XPO7: variants seen among roughly 807,000 people sequenced by gnomAD.
The protein encoded by XPO7 is exportin-7.
A neutral mutation model predicts 144.3 loss-of-function variants in XPO7; 21 were observed. That is an observed-to-expected ratio of 0.15 (90% CI 0.10 to 0.21). The LOEUF (loss-of-function observed/expected upper bound fraction) is 0.21, where lower values mean the gene tolerates loss of function less well. Among genes scored for constraint, XPO7 ranks in the 10% least tolerant of loss-of-function variants. The probability of loss-of-function intolerance (pLI) is 1.00; values close to 1 mark genes in which losing one functional copy is unlikely to be tolerated. For synonymous variants in XPO7, 580 were observed against 499.6 expected (o/e 1.16, Z -2.15); for missense variants, 808 against 1,325.8 (o/e 0.61, Z 6.06).
chr8:21,988,904 T>C, intron 15 of XPO7, 99 bp from the exon 16 acceptor site: 4 of 1,016,450 alleles, frequency 3.9e-6, no homozygotes, highest in Non-Finnish European at 5.8e-6. Context: ...TGCAGATGTG[T>C]GGTGACTTTT....
At chr8:21,982,024 T>C (rs1168982017) in intron 10 of XPO7, 147 bp downstream of exon 10, 2 of 1,047,798 alleles carry the variant, frequency 1.9e-6, no homozygotes, top group Non-Finnish European at 2.7e-6. Flanking sequence ...TATTGTGGCC[T>C]GTGATTTACA....
At chr8:21,974,851 G>T in intron 6 of XPO7, 77 bp downstream of exon 6, 3 of 1,151,596 alleles carry the variant, frequency 2.6e-6, no homozygotes, top group Non-Finnish European at 3.7e-6. Flanking sequence ...TTAAATGTCA[G>T]CTTTTAACTG....
At chr8:21,931,009 A>T (rs959380737) in intron 1 of XPO7, among the ~76,000 whole-genome samples, 2 of 151,364 alleles carry the variant, frequency 1.3e-5, no homozygotes, top group Non-Finnish European at 2.9e-5. Flanking sequence ...TGCCCAGCTA[A>T]TTGTTGTATT....
rs761510329 is a variant in XPO7 at position 22,003,211 on chromosome 8, A to T, written c.2944-8A>T. The T allele has an allele frequency of 6.2e-7, 1 of 1,605,094 alleles. No homozygotes were observed. ...GTCACTGCCTGAAATTCTCCATTCC[A>T]TTTTCAGATGCTGTCCACGGTGCTG... On this transcript the variant is annotated splice_polypyrimidine_tract_variant and splice_region_variant and intron_variant, in intron 25 of 27. Transcript: ENST00000252512.
chr8:21,947,507 A>G (rs142442029), intron 1 of XPO7, among the ~76,000 whole-genome samples: 3 of 152,218 alleles, frequency 2.0e-5, no homozygotes, highest in South Asian at 2.1e-4. Context: ...AGGAAATTCA[A>G]CCTTACTAAT....
intron 1 of XPO7, among the ~76,000 whole-genome samples, chr8:21,939,847 A>G (rs919475044): frequency 6.6e-6 from 1 of 152,244 alleles, no homozygotes; most frequent in Admixed American, 6.5e-5. Flanking sequence ...TCATTGAAGA[A>G]TATTTTCAAA....
intron 1 of XPO7, among the ~76,000 whole-genome samples, chr8:21,951,289 C>A (rs957471802): frequency 6.6e-6 from 1 of 151,572 alleles, no homozygotes; most frequent in African/African-American, 2.4e-5. Flanking sequence ...ACCTATGAGG[C>A]CTACCTTAAT....
rs764766630 is a variant in XPO7, at chr8:21,989,079, A to G, written c.1864A>G (p.Ile622Val). 2 of 1,613,110 alleles carry G rather than the reference A, an allele frequency of 1.2e-6. No individual in the cohort carries two copies. Among genetic ancestry groups the G allele is most frequent in the Non-Finnish European group, 8.5e-7 (1 of 1,179,590 alleles). Residue 622 changes from isoleucine (I) to valine (V), a missense_variant, in exon 16 of 28, where the codon ATT becomes GTT. Ile to Val is a conservative substitution (Grantham distance 29). Coordinates refer to ENST00000252512, the MANE Select transcript of XPO7 (RefSeq NM_015024.5). Reference sequence around the variant, plus strand: ...ACTACAGCTTCTCAATGACCTGTCCATTGGATATCCTTTTCTAAGCTAACT... The same window carrying G: ...ACTACAGCTTCTCAATGACCTGTCCGTTGGATATCCTTTTCTAAGCTAACT... ...KTLQLLNDLS[I>V]GYSSVRKLVK...
At chr8:21,962,835 C>G (rs1455377793) in intron 1 of XPO7, among the ~76,000 whole-genome samples, 4 of 152,072 alleles carry the variant, frequency 2.6e-5, no homozygotes, top group African/African-American at 9.7e-5. Context: ...TTTATTATCT[C>G]TGATAATTGG....
Position 21,944,754 on chromosome 8 carries a change from C to T in XPO7, c.19-22103C>T, listed in dbSNP as rs538051822. On this transcript the variant is annotated intron_variant, in intron 1 of 27. Coordinates refer to ENST00000252512, the MANE Select transcript of XPO7 (RefSeq NM_015024.5). ...GGTTTTCCTAGGCCCTGCCGCCTTCCGCCTTCCGCATTGTTTGTGTCTCCG... is the reference window on the plus strand; with the variant it reads ...GGTTTTCCTAGGCCCTGCCGCCTTCTGCCTTCCGCATTGTTTGTGTCTCCG... Among the ~76,000 whole-genome samples the T allele has an allele frequency of 5.9e-5, 9 of 152,170 alleles. No homozygotes were observed. The East Asian group carries it at 1.2e-3, about 20-fold the overall frequency.
chr8:21,991,104 A>G (rs1812758186), intron 18 of XPO7, among the ~76,000 whole-genome samples, 185 bp downstream of exon 18: 1 of 152,220 alleles, frequency 6.6e-6, no homozygotes, highest in Non-Finnish European at 1.5e-5. Flanking sequence ...TAACTGGAAG[A>G]GAGTAACAGT....
intron 1 of XPO7, among the ~76,000 whole-genome samples, chr8:21,961,085 A>G (rs975773396): frequency 6.6e-6 from 1 of 152,082 alleles, no homozygotes; most frequent in Non-Finnish European, 1.5e-5. Context: ...CCATACTGCT[A>G]TTGATGGGTA....
intron 10 of XPO7, 103 bp downstream of exon 10, chr8:21,981,980 C>G (rs2117358500): frequency 6.7e-7 from 1 of 1,481,904 alleles, no homozygotes; most frequent in East Asian, 2.3e-5. Context: ...GCAAAGGTAA[C>G]CATAAGTCCA....
chr8:21,962,760 A>G (rs1471393596), intron 1 of XPO7, among the ~76,000 whole-genome samples: 1 of 152,236 alleles, frequency 6.6e-6, no homozygotes. Context: ...TATACTCAAC[A>G]TACTGTTTTG....
At chr8:21,980,048 T>C (rs765700442) in intron 8 of XPO7, 36 bp from the exon 9 acceptor site, 8 of 1,531,496 alleles carry the variant, frequency 5.2e-6, no homozygotes, top group Non-Finnish European at 7.0e-6. Context: ...GTACAGTCTT[T>C]TTAATCGTTG....
At chr8:21,989,419 G>C (rs962669911) in intron 16 of XPO7, among the ~76,000 whole-genome samples, 19 of 152,146 alleles carry the variant, frequency 1.2e-4, no homozygotes, top group African/African-American at 4.3e-4. Flanking sequence ...TCCTTCTTAG[G>C]TTGTCCCATC....
Position 21,995,611 on chromosome 8 carries a change from G to T in XPO7, c.2345+12G>T, listed in dbSNP as rs1358715336. 1.9e-6 allele frequency: 3 copies of T among 1,573,700 alleles called. No homozygotes were observed. Among genetic ancestry groups the T allele is most frequent in the Non-Finnish European group, 2.6e-6 (3 of 1,155,622 alleles). The stretch of plus-strand genomic sequence containing the variant: ...TTGGTTCATAATAGGTAAGCAGGAG[G>T]CAGAGCTTGCAAGGGCACATCTGCC... On this transcript the variant is annotated intron_variant, in intron 21 of 27. Transcript: ENST00000252512.
At position 22,002,189 on chromosome 8, in the gene XPO7, A is replaced by G; in HGVS notation, c.2860A>G (p.Thr954Ala). The change falls in exon 25 of 28, where the codon ACC (threonine) becomes GCC (alanine). Residue 954 changes from threonine to alanine, a missense_variant. Coordinates refer to ENST00000252512, the MANE Select transcript of XPO7 (RefSeq NM_015024.5). The stretch of plus-strand genomic sequence containing the variant: ...CCTCTTCAAGCAGCTGTCACGTAGC[A>G]CCAAGAAGAGGACCACACCCCTGAA... ...TYLFKQLSRSTKKRTTPLNQE... is the reference protein window; with the variant it reads ...TYLFKQLSRSAKKRTTPLNQE... 2 of 1,613,340 alleles carry G rather than the reference A, an allele frequency of 1.2e-6. No homozygotes were observed. The highest frequency in any genetic ancestry group is 1.7e-6 in the Non-Finnish European group (2 of 1,179,618).
chr8:21,997,008 G>A lies in XPO7; in HGVS notation c.2345+1409G>A, dbSNP rs921553815. Among the ~76,000 whole-genome samples, 9 of 152,046 alleles carry A rather than the reference G, an allele frequency of 5.9e-5. No individual in the cohort carries two copies. In the South Asian group the frequency reaches 6.2e-4, roughly 10 times the overall value. ...TTTTTAGTAGAGACGGGGTTTCTCC[G>A]TGTTGGTCATGCTGGTCTTGAACTC... is the stretch of plus-strand genomic sequence containing the variant. On this transcript the variant is annotated intron_variant, in intron 21 of 27. Transcript: ENST00000252512.
Sources: gnomAD v4.1 joint callset for allele counts (sites outside exome capture counted in the v4.1 genomes callset) on GRCh38, gnomAD v4.1.1 for gene constraint, MANE v1.5 for transcripts, NCBI Gene and HGNC (gene_info 2026-07-23, HGNC 2026-07-21) for gene names.